Variants in FAM184B observed in about 807,000 individuals in gnomAD.
FAM184B encodes the protein family with sequence similarity 184 member B, also known as protein FAM184B.
A neutral mutation model predicts 135.9 loss-of-function variants in FAM184B; 111 were observed. The observed-to-expected ratio is 0.82, with a 90% confidence interval of 0.70 to 0.96. The LOEUF is 0.96. Among genes scored for constraint, FAM184B ranks in the 40% least tolerant of loss-of-function variants. The pLI, the probability that FAM184B is intolerant of heterozygous loss-of-function variation, is 0.00. For missense variants in FAM184B, 1,375 were observed against 1,323.9 expected, an observed-to-expected ratio of 1.04 and a Z score of -0.60; for synonymous variants, 552 against 524.8, an observed-to-expected ratio of 1.05 and a Z score of -0.71.
At chr4:17,721,383 CAAAAAAAAAAAAAA>C (rs61539641) in intron 1 of FAM184B, among the ~76,000 whole-genome samples, 1 of 47,384 alleles carries the variant, frequency 2.1e-5, no homozygotes, top group South Asian at 1.2e-3. Context: ...GATTCTGTCT[CAAAAAAAAAAAAAA>C]AAAAAAAAAT....
At chr4:17,696,539 A>C (rs1716862092) in intron 5 of FAM184B, among the ~76,000 whole-genome samples, 1 of 152,204 alleles carries the variant, frequency 6.6e-6, no homozygotes. Context: ...GGAACCATCG[A>C]GTGTGCTCAC....
chr4:17,727,455 A>G (rs1375692766), intron 1 of FAM184B, among the ~76,000 whole-genome samples: 1 of 152,212 alleles, frequency 6.6e-6, no homozygotes, highest in Non-Finnish European at 1.5e-5. Context: ...TGCTATAAAG[A>G]TACTAGCTGA....
chr4:17,704,704 C>A (rs1717066484), intron 5 of FAM184B, among the ~76,000 whole-genome samples: 1 of 152,162 alleles, frequency 6.6e-6, no homozygotes. Context: ...AGTTGAATTT[C>A]CCTAAGTTCA....
intron 1 of FAM184B, among the ~76,000 whole-genome samples, chr4:17,728,162 C>T (rs929849965): frequency 1.3e-5 from 2 of 152,072 alleles, no homozygotes; most frequent in Non-Finnish European, 2.9e-5. Flanking sequence ...ATGACGATGA[C>T]AATCACGACG....
chr4:17,701,233 A>T (rs187711280), intron 5 of FAM184B, among the ~76,000 whole-genome samples: 158 of 152,318 alleles, frequency 1.0e-3, no homozygotes, highest in Non-Finnish European at 1.2e-3. Context: ...TAAACAGTAG[A>T]TGAATAACGG....
intron 11 of FAM184B, among the ~76,000 whole-genome samples, chr4:17,649,798 A>C (rs573849303): frequency 1.3e-5 from 2 of 152,070 alleles, no homozygotes; most frequent in East Asian, 3.9e-4. Context: ...CCATTCATCT[A>C]TCCATCTACC....
chr4:17,738,964 G>A lies in FAM184B; in HGVS notation c.142-29320C>T, dbSNP rs536307243. On this transcript the variant is annotated intron_variant, in intron 1 of 17. Transcript: ENST00000265018. ...CCACCATGAGTAGAAGCAGCCTGAG[G>A]CTTTTACCAGATGCCCAGTCTTCCA... Among the ~76,000 whole-genome samples, 3 of 152,286 alleles carry A rather than the reference G, an allele frequency of 2.0e-5. No homozygotes were observed. In the East Asian group the frequency reaches 5.8e-4, roughly 29 times the overall value.
intron 16 of FAM184B, among the ~76,000 whole-genome samples, chr4:17,634,758 C>G (rs1185106846): frequency 6.6e-6 from 1 of 152,186 alleles, no homozygotes; most frequent in Non-Finnish European, 1.5e-5. Flanking sequence ...CTTCTCCCTC[C>G]CATCACCTAG....
chr4:17,642,798 T>C (rs1715361103), intron 12 of FAM184B, among the ~76,000 whole-genome samples: 1 of 152,244 alleles, frequency 6.6e-6, no homozygotes, highest in East Asian at 1.9e-4. Flanking sequence ...ACGTGAATGC[T>C]TGCTAAACAG....
intron 7 of FAM184B, among the ~76,000 whole-genome samples, chr4:17,671,557 G>A (rs1319410927): frequency 6.6e-6 from 1 of 152,092 alleles, no homozygotes; most frequent in Non-Finnish European, 1.5e-5. Flanking sequence ...TGGGAAGACT[G>A]GGAGAGGTGA....
At chr4:17,651,536 T>G (rs374186599) in intron 11 of FAM184B, among the ~76,000 whole-genome samples, 1 of 6,364 alleles carries the variant, frequency 1.6e-4, no homozygotes, top group Non-Finnish European at 2.4e-4. Context: ...AGACTCTGTC[T>G]CAAAAAAAAA....
In FAM184B at chr4:17,688,449, T is replaced by C. The variant is rs61741063; in HGVS notation, c.1571A>G (p.Gln524Arg). ...CTGGGTCTCCAGAATGCTGCAGTGC[T>C]GGCGGCCTAATTCCTGGGGACTTTC... ...AEESPQELGR[Q>R]HCSILETQDP... The change falls in exon 7 of 18, where the codon CAG becomes CGG. Residue 524 changes from glutamine to arginine, a missense_variant. Physicochemically the swap from Gln to Arg is conservative, Grantham distance 43. Coordinates refer to ENST00000265018, the MANE Select transcript of FAM184B (RefSeq NM_015688.2). 0.022 allele frequency: 34,197 copies of C among 1,550,872 alleles called. 577 individuals are homozygous for C. The highest frequency in any genetic ancestry group is 0.1 in the Middle Eastern group (625 of 5,980).
intron 2 of FAM184B, 54 bp downstream of exon 2, chr4:17,708,838 A>G: frequency 6.9e-7 from 1 of 1,455,198 alleles, no homozygotes; most frequent in South Asian, 1.5e-5. Flanking sequence ...GGTTCACAAT[A>G]AGCAGCCCTG....
At chr4:17,682,525 G>A (rs1007072147) in intron 7 of FAM184B, among the ~76,000 whole-genome samples, 6 of 151,950 alleles carry the variant, frequency 3.9e-5, no homozygotes, top group African/African-American at 9.7e-5. Context: ...TTTTGAGACA[G>A]TCTCACTCTG....
rs186425086 is a variant in FAM184B, at chr4:17,699,878, G to A, written c.1377+5122C>T. On this transcript the variant is annotated intron_variant, in intron 5 of 17. Coordinates refer to ENST00000265018, the MANE Select transcript of FAM184B (RefSeq NM_015688.2). ...CAATGTACTGTGGGATTTACAGCAC[G>A]TGTAAAATAAAATACAATATATAAC... Among the ~76,000 whole-genome samples, 19 of 152,110 alleles carry A rather than the reference G, an allele frequency of 1.2e-4. No homozygotes were observed. In the East Asian group the frequency reaches 3.1e-3, roughly 25 times the overall value.
intron 15 of FAM184B, 60 bp downstream of exon 15, chr4:17,636,468 C>A: frequency 3.0e-6 from 4 of 1,330,124 alleles, no homozygotes; most frequent in Non-Finnish European, 4.2e-6. Context: ...AACGCCCCTC[C>A]CGGGGGAGCC....
At chr4:17,729,582 C>T (rs570440355) in intron 1 of FAM184B, among the ~76,000 whole-genome samples, 62 of 152,330 alleles carry the variant, frequency 4.1e-4, no homozygotes, top group African/African-American at 8.9e-4. Flanking sequence ...GCAGCATTTG[C>T]GGTTCACCAA....
At chr4:17,708,686 TATATATATATATATATATATATA>T (rs1377549743) in intron 2 of FAM184B, among the ~76,000 whole-genome samples, 183 bp downstream of exon 2, 3 of 49,200 alleles carry the variant, frequency 6.1e-5, no homozygotes, top group Non-Finnish European at 1.1e-4. Flanking sequence ...TATATATATA[TATATATATATATATATATATATA>T]GTGTCTGTGT....
Position 17,632,875 on chromosome 4 carries a change from G to T in FAM184B, c.3090-250C>A, listed in dbSNP as rs1715003407. 5.9e-5 allele frequency: 20 copies of T among 336,956 alleles called. 1 individual carries two copies. The South Asian group carries it at 7.5e-4, about 13-fold the overall frequency. The allele number at this position is 336,956 out of a possible 1,614,324, so 20.9% of individuals were successfully genotyped here. ...TCCATTGTTCCTTTGAGACTTAGTG[G>T]TTGTAGCTCTAATAATGCAGGATTA... On this transcript the variant is annotated intron_variant, in intron 17 of 17. Coordinates refer to ENST00000265018, the MANE Select transcript of FAM184B (RefSeq NM_015688.2).
Sources: gnomAD v4.1 joint callset for allele counts (sites outside exome capture counted in the v4.1 genomes callset) on GRCh38, gnomAD v4.1.1 for gene constraint, MANE v1.5 for transcripts, NCBI Gene and HGNC (gene_info 2026-07-23, HGNC 2026-07-21) for gene names.